LCLAT1: variants seen among roughly 807,000 people sequenced by gnomAD.
LCLAT1 encodes the protein lysocardiolipin acyltransferase 1, also known as 1-AGP acyltransferase 8.
LCLAT1 carries 11 observed loss-of-function variants against 30.7 expected under a neutral mutation model. That is an observed-to-expected ratio of 0.36 (90% CI 0.23 to 0.59). The LOEUF (loss-of-function observed/expected upper bound fraction) is 0.59. Among genes scored for constraint, LCLAT1 ranks in the 20% least tolerant of loss-of-function variants. The probability of loss-of-function intolerance (pLI) is 0.77; values close to 1 mark genes in which losing one functional copy is unlikely to be tolerated. For synonymous variants in LCLAT1, 155 were observed against 151.3 expected (o/e 1.02, Z -0.18); for missense variants, 402 against 458.6 (o/e 0.88, Z 1.13).
rs192477074 is a variant in LCLAT1 at position 30,448,370 on chromosome 2, G to A, written c.-5+987G>A. On this transcript the variant is annotated intron_variant, in intron 1 of 5. Coordinates refer to ENST00000379509, the MANE Select transcript of LCLAT1 (RefSeq NM_001002257.3). ...TTTTTGTAAAACATATTTTTTGAGA[G>A]TAAGTAAAAATACATCATCACTTTT... Among the ~76,000 whole-genome samples the A allele has an allele frequency of 3.3e-5, 5 of 152,324 alleles. No homozygotes were observed. The East Asian group carries it at 5.8e-4, about 18-fold the overall frequency.
intron 5 of LCLAT1, among the ~76,000 whole-genome samples, chr2:30,569,911 G>C (rs866090434): frequency 2.6e-5 from 4 of 152,110 alleles, no homozygotes; most frequent in Non-Finnish European, 5.9e-5. Context: ...GGAGAATACA[G>C]TTCTTCATGC....
intron 3 of LCLAT1, among the ~76,000 whole-genome samples, chr2:30,547,447 C>G (rs1664477671): frequency 6.6e-6 from 1 of 152,136 alleles, no homozygotes; most frequent in African/African-American, 2.4e-5. Context: ...ATGCACACAT[C>G]CTATGACAGA....
chr2:30,461,833 C>T (rs976975208), intron 1 of LCLAT1, among the ~76,000 whole-genome samples: 1 of 145,016 alleles, frequency 6.9e-6, no homozygotes, highest in Non-Finnish European at 1.5e-5. Context: ...TGCAGTGGCG[C>T]GATCTCGGCT....
chr2:30,633,835 A>C (rs1407419639), intron 5 of LCLAT1, among the ~76,000 whole-genome samples: 1 of 152,238 alleles, frequency 6.6e-6, no homozygotes, highest in Non-Finnish European at 1.5e-5. Flanking sequence ...ATTGGATCTG[A>C]TACTTAGGCA....
At chr2:30,555,341 T>C (rs767433741) in intron 3 of LCLAT1, among the ~76,000 whole-genome samples, 1 of 152,004 alleles carries the variant, frequency 6.6e-6, no homozygotes, top group South Asian at 2.1e-4. Context: ...TTAAAAGAAA[T>C]TATTTTGAGG....
intron 5 of LCLAT1, among the ~76,000 whole-genome samples, chr2:30,617,243 A>C (rs1210522803): frequency 1.3e-5 from 2 of 152,108 alleles, no homozygotes; most frequent in African/African-American, 2.4e-5. Flanking sequence ...TTCTGTCACC[A>C]TAGTTTTGCC....
intron 5 of LCLAT1, among the ~76,000 whole-genome samples, chr2:30,610,073 G>T (rs186525402): frequency 2.0e-4 from 31 of 152,192 alleles, no homozygotes; most frequent in Non-Finnish European, 5.9e-5. Flanking sequence ...TGTACAAATT[G>T]AACATAGCCA....
At chr2:30,560,283 G>GT (rs111737873) in intron 3 of LCLAT1, among the ~76,000 whole-genome samples, 1 of 144,474 alleles carries the variant, frequency 6.9e-6, no homozygotes. Flanking sequence ...AATAAAGTGT[G>GT]GTGTGTGTGT....
At chr2:30,490,244 C>T (rs1683774608) in intron 1 of LCLAT1, among the ~76,000 whole-genome samples, 1 of 149,132 alleles carries the variant, frequency 6.7e-6, no homozygotes, top group Admixed American at 6.7e-5. Flanking sequence ...ACTCTGTTGC[C>T]TAGGCTGGAG....
intron 5 of LCLAT1, among the ~76,000 whole-genome samples, chr2:30,636,956 T>C (rs1397304042): frequency 6.6e-6 from 1 of 152,186 alleles, no homozygotes; most frequent in African/African-American, 2.4e-5. Context: ...TGAAAGGTGA[T>C]ACTGATGAAG....
rs556531520 is a variant in LCLAT1 at position 30,589,417 on chromosome 2, A to G, written c.628+21241A>G. 2.0e-5 allele frequency among the ~76,000 whole-genome samples: 3 copies of G among 152,118 alleles called. No homozygotes were observed. In the East Asian group the frequency reaches 5.8e-4, roughly 29 times the overall value. ...ATTGAGAAAAAGGTGGATAACGAGT[A>G]TGTTTATCCTAAATCAGGAGAGTGA... On this transcript the variant is annotated intron_variant, in intron 5 of 5. Coordinates refer to ENST00000379509, the MANE Select transcript of LCLAT1 (RefSeq NM_001002257.3).
intron 5 of LCLAT1, among the ~76,000 whole-genome samples, chr2:30,575,350 C>A (rs1052860709): frequency 6.6e-6 from 1 of 151,974 alleles, no homozygotes; most frequent in Non-Finnish European, 1.5e-5. Flanking sequence ...GTCCTAATAC[C>A]ATGCCAGGAA....
At chr2:30,617,287 G>A (rs899734547) in intron 5 of LCLAT1, among the ~76,000 whole-genome samples, 4 of 152,122 alleles carry the variant, frequency 2.6e-5, no homozygotes, top group African/African-American at 9.7e-5. Context: ...GAATTATATA[G>A]TATGTGGTCA....
Position 30,592,150 on chromosome 2 carries a change from A to G in LCLAT1, c.628+23974A>G, listed in dbSNP as rs537353630. On this transcript the variant is annotated intron_variant, in intron 5 of 5. Coordinates refer to ENST00000379509, the MANE Select transcript of LCLAT1 (RefSeq NM_001002257.3). The stretch of plus-strand genomic sequence containing the variant: ...TCTTCAATCTGTTTCCCATATTCCA[A>G]CATGCACCTTTGAAAGACACTGACA... Among the ~76,000 whole-genome samples, 20 of 152,244 alleles carry G rather than the reference A, an allele frequency of 1.3e-4. No individual in the cohort carries two copies. The East Asian group carries it at 3.1e-3, about 24-fold the overall frequency.
chr2:30,504,452 A>G (rs1684560695), intron 1 of LCLAT1, among the ~76,000 whole-genome samples: 1 of 152,192 alleles, frequency 6.6e-6, no homozygotes, highest in African/African-American at 2.4e-5. Flanking sequence ...GGTGGTGCCA[A>G]TGTAGTTTTA....
At chr2:30,614,439 A>G (rs1463244714) in intron 5 of LCLAT1, among the ~76,000 whole-genome samples, 3 of 152,044 alleles carry the variant, frequency 2.0e-5, no homozygotes, top group Admixed American at 6.6e-5. Flanking sequence ...TTTTCCCCAC[A>G]TGGAAGCAAT....
chr2:30,549,778 T>G (rs1664597706), intron 3 of LCLAT1, among the ~76,000 whole-genome samples: 1 of 152,194 alleles, frequency 6.6e-6, no homozygotes, highest in African/African-American at 2.4e-5. Context: ...GGAAAATGAA[T>G]TAGCTGTTGT....
intron 3 of LCLAT1, 104 bp from the exon 4 acceptor site, chr2:30,562,042 T>C (rs1665250065): frequency 4.3e-6 from 3 of 690,118 alleles, no homozygotes; most frequent in Non-Finnish European, 6.7e-6. Flanking sequence ...TTTACAATAA[T>C]AAATAATATA....
intron 3 of LCLAT1, among the ~76,000 whole-genome samples, chr2:30,544,616 G>A (rs1447624907): frequency 6.6e-6 from 1 of 151,936 alleles, no homozygotes; most frequent in Non-Finnish European, 1.5e-5. Context: ...TAAATACCCA[G>A]TAGGGCTAGA....
Sources: allele counts gnomAD v4.1 joint callset (sites outside exome capture counted in the v4.1 genomes callset), GRCh38; gene constraint gnomAD v4.1.1; transcripts MANE v1.5; gene names NCBI Gene and HGNC (gene_info 2026-07-23, HGNC 2026-07-21).